SHPRH: variants seen among roughly 807,000 people sequenced by gnomAD.
The protein encoded by SHPRH is SNF2 histone linker PHD RING helicase, also known as E3 ubiquitin-protein ligase SHPRH.
A neutral mutation model predicts 202.5 loss-of-function variants in SHPRH; 106 were observed. The observed-to-expected ratio is 0.52, with a 90% confidence interval of 0.45 to 0.62. SHPRH has a LOEUF of 0.62. Among genes scored for constraint, SHPRH ranks in the 20% least tolerant of loss-of-function variants. The pLI, the probability that SHPRH is intolerant of heterozygous loss-of-function variation, is 0.00. For synonymous variants in SHPRH, 729 were observed against 686.0 expected, an observed-to-expected ratio of 1.06 and a Z score of -0.98; for missense variants, 1,710 against 2,020.0, an observed-to-expected ratio of 0.85 and a Z score of 2.94.
At chr6:145,949,358 G>C (rs1335733417) in intron 4 of SHPRH, among the ~76,000 whole-genome samples, 1 of 151,966 alleles carries the variant, frequency 6.6e-6, no homozygotes, top group African/African-American at 2.4e-5. Context: ...GTGTGGAGGG[G>C]GGCAGGTGTG....
intron 1 of SHPRH, among the ~76,000 whole-genome samples, chr6:145,957,076 C>T (rs1788579415): frequency 6.6e-6 from 1 of 151,934 alleles, no homozygotes. Context: ...TGTAGTGGAC[C>T]CACACATGGA....
At chr6:145,866,556 T>C (rs34466436) in intron 2 of SHPRH, among the ~76,000 whole-genome samples, 11,302 of 152,214 alleles carry the variant, frequency 0.074, 486 homozygotes, top group South Asian at 0.11. Flanking sequence ...CAGGACGTGG[T>C]TTTATCATTA....
chr6:145,939,020 AAAG>A (rs1786435466), intron 11 of SHPRH, among the ~76,000 whole-genome samples: 2 of 152,190 alleles, frequency 1.3e-5, no homozygotes, highest in South Asian at 4.1e-4. Flanking sequence ...GACAATTCCC[AAAG>A]AAGAATTATC....
chr6:145,921,750 TA>T (rs1455358246), intron 20 of SHPRH, among the ~76,000 whole-genome samples: 1 of 151,986 alleles, frequency 6.6e-6, no homozygotes, highest in Admixed American at 6.6e-5. Context: ...TGAAGAAATG[TA>T]TTATTTACTT....
chr6:145,922,577 A>C, intron 19 of SHPRH, 86 bp downstream of exon 19: 1 of 1,453,682 alleles, frequency 6.9e-7, no homozygotes, highest in Non-Finnish European at 9.2e-7. Flanking sequence ...AAAAACCTTT[A>C]CTATATGAGT....
intron 3 of SHPRH, among the ~76,000 whole-genome samples, chr6:145,951,141 G>A (rs1217482446): frequency 1.3e-5 from 2 of 152,036 alleles, no homozygotes; most frequent in East Asian, 1.9e-4. Context: ...AGTTCACTTG[G>A]TGGGCACAAT....
chr6:145,922,329 C>T lies in SHPRH; in HGVS notation c.3739G>A (p.Asp1247Asn). The T allele has an allele frequency of 6.4e-7, 1 of 1,561,984 alleles. No individual in the cohort carries two copies. The highest frequency in any genetic ancestry group is 8.6e-7 in the Non-Finnish European group (1 of 1,164,030). ...GATTCATACTCTGTGAACAATTCAT[C>T]AGCTTTACAAAAGACACAGCTGAAA... ...PLNCCVFCKA[D>N]ELFTEYESKL... is the part of the protein sequence containing the mutation. Residue 1247 changes from aspartate (D) to asparagine (N), a missense_variant, in exon 20 of 30, where the codon GAT becomes AAT. Asp to Asn is a conservative substitution (Grantham distance 23, BLOSUM62 1). Around this residue, in one of 8 missense-constraint regions of SHPRH, gnomAD observed 288 missense variants for 317.8 expected, o/e 0.91. Coordinates refer to ENST00000275233, the MANE Select transcript of SHPRH (RefSeq NM_001042683.3).
At chr6:145,864,473 C>T (rs370116991) in exon 3 of SHPRH, 130 of 273,258 alleles carry the variant, frequency 4.8e-4, no homozygotes, top group African/African-American at 2.3e-3. Context: ...AACAAAATAA[C>T]GCCTGTTCCT....
chr6:145,926,035 G>A (rs1784847435), intron 16 of SHPRH, among the ~76,000 whole-genome samples, 169 bp downstream of exon 16: 1 of 151,898 alleles, frequency 6.6e-6, no homozygotes, highest in South Asian at 2.1e-4. Context: ...AATACGTACT[G>A]CTGCCATTCT....
chr6:145,870,580 T>C (rs1008853542), intron 2 of SHPRH, among the ~76,000 whole-genome samples: 4 of 152,188 alleles, frequency 2.6e-5, no homozygotes, highest in African/African-American at 9.7e-5. Context: ...TCTACATACA[T>C]GATCATGTCA....
chr6:145,872,210 T>C (rs929390292), intron 2 of SHPRH, among the ~76,000 whole-genome samples: 1 of 152,084 alleles, frequency 6.6e-6, no homozygotes, highest in African/African-American at 2.4e-5. Flanking sequence ...CTAATTAAAC[T>C]AAAGAGCTTC....
chr6:145,938,450 A>G (rs1786360058), intron 11 of SHPRH, among the ~76,000 whole-genome samples: 1 of 152,170 alleles, frequency 6.6e-6, no homozygotes, highest in African/African-American at 2.4e-5. Context: ...ATTCTATCCT[A>G]CCTCACAAAG....
At chr6:145,920,687 G>C (rs1293734469) in intron 21 of SHPRH, among the ~76,000 whole-genome samples, 3 of 152,028 alleles carry the variant, frequency 2.0e-5, no homozygotes, top group African/African-American at 4.8e-5. Context: ...CTCAAGTACA[G>C]AGGTATAATA....
Position 145,885,968 on chromosome 6 carries a change from GAGT to G in SHPRH, c.*720_*722del, listed in dbSNP as rs1780971692. 6.6e-6 allele frequency: 1 copy of G among 152,076 alleles called. No homozygotes were observed. The highest frequency in any genetic ancestry group is 2.1e-4 in the South Asian group (1 of 4,828). The allele number at this position is 152,076 out of a possible 1,614,324, so 9.4% of individuals were successfully genotyped here. On this transcript the variant is annotated 3_prime_UTR_variant, in exon 30 of 30. Transcript: ENST00000275233. Reference sequence around the variant, plus strand: ...AAACTTTAACAATAAGAAAAATTAAGAGTAGGGAAAGCAGATAATTTTAAGGTA... The same window carrying G: ...AAACTTTAACAATAAGAAAAATTAAGAGGGAAAGCAGATAATTTTAAGGTA...
At chr6:145,881,902 G>A (rs539376974), downstream of SHPRH, among the ~76,000 whole-genome samples, 8 of 152,148 alleles carry the variant, frequency 5.3e-5, no homozygotes, top group South Asian at 4.2e-4. Context: ...CCAGGAGTTC[G>A]AGACCAGCCT....
At chr6:145,945,349 C>G (rs1787253704) in intron 8 of SHPRH, 32 bp downstream of exon 8, 13 of 1,584,034 alleles carry the variant, frequency 8.2e-6, no homozygotes, top group Non-Finnish European at 1.1e-5. Flanking sequence ...CATACGTGTA[C>G]TTAATATAGA....
chr6:145,940,059 T>G (rs1306203221), intron 11 of SHPRH, among the ~76,000 whole-genome samples: 1 of 152,172 alleles, frequency 6.6e-6, no homozygotes, highest in Non-Finnish European at 1.5e-5. Flanking sequence ...ACAACTTGAA[T>G]AAAGGTTTTA....
chr6:145,941,054 A>G (rs1383594857), intron 10 of SHPRH, among the ~76,000 whole-genome samples: 2 of 152,226 alleles, frequency 1.3e-5, no homozygotes, highest in Admixed American at 1.3e-4. Context: ...AAATACGTAC[A>G]AAATGAAAAA....
At chr6:145,922,943 C>G in intron 18 of SHPRH, 107 bp from the exon 19 acceptor site, 1 of 1,137,176 alleles carries the variant, frequency 8.8e-7, no homozygotes, top group South Asian at 2.1e-5. Flanking sequence ...AAACTGTTTG[C>G]TGTTTTTTTT....
Sources: gnomAD v4.1 joint callset for allele counts (sites outside exome capture counted in the v4.1 genomes callset) on GRCh38, gnomAD v4.1.1 for gene constraint, gnomAD v4.1.1 regional missense constraint, MANE v1.5 for transcripts, NCBI Gene and HGNC (gene_info 2026-07-23, HGNC 2026-07-21) for gene names.